Variants in AGBL1 observed in about 807,000 individuals in gnomAD.
AGBL1 encodes the protein AGBL carboxypeptidase 1.
AGBL1 carries 130 observed loss-of-function variants against 118.9 expected under a neutral mutation model. The ratio of observed to expected loss-of-function variants is 1.09; its 90% CI spans 0.95 to 1.26. The LOEUF (loss-of-function observed/expected upper bound fraction) is 1.26. Ranked by LOEUF, AGBL1 falls within the 50% of genes most tolerant of loss-of-function variation. The probability of loss-of-function intolerance (pLI) is 0.00; values close to 1 mark genes in which losing one functional copy is unlikely to be tolerated. For synonymous variants in AGBL1, 555 were observed against 478.9 expected, an observed-to-expected ratio of 1.16 and a Z score of -2.08; for missense variants, 1,584 against 1,298.1, an observed-to-expected ratio of 1.22 and a Z score of -3.38.
chr15:86,547,126 G>A (rs2083594342), intron 20 of AGBL1, among the ~76,000 whole-genome samples: 1 of 152,084 alleles, frequency 6.6e-6, no homozygotes, highest in African/African-American at 2.4e-5. Flanking sequence ...AGAATCAACA[G>A]CTTATCCTCA....
intron 22 of AGBL1, among the ~76,000 whole-genome samples, chr15:86,826,894 T>A (rs2079018626): frequency 6.6e-6 from 1 of 152,004 alleles, no homozygotes; most frequent in South Asian, 2.1e-4. Flanking sequence ...ACAAGGAGAA[T>A]ATGCCTGACA....
chr15:86,902,489 T>C (rs77778521), intron 22 of AGBL1, among the ~76,000 whole-genome samples: 1 of 152,160 alleles, frequency 6.6e-6, no homozygotes, highest in Non-Finnish European at 1.5e-5. Flanking sequence ...TTTGCTCATA[T>C]TTTTACTCTT....
At position 87,006,930 on chromosome 15, in the gene AGBL1, G is replaced by T. The variant is rs112981315; in HGVS notation, c.3323+18842G>T. Among the ~76,000 whole-genome samples the T allele has an allele frequency of 2.5e-3, 384 of 152,214 alleles. 1 individual carries two copies. The highest frequency in any genetic ancestry group is 8.8e-3 in the African/African-American group (366 of 41,516). On this transcript the variant is annotated intron_variant, in intron 24 of 24. Coordinates refer to the AGBL1 transcript ENST00000441037. ...TTCATGGGTGAGGAGTGAGACAGGG[G>T]GTTGAGCTTTAAGTAGGATGGGTTT...
intron 23 of AGBL1, among the ~76,000 whole-genome samples, chr15:86,946,767 C>T (rs866040634): frequency 6.8e-5 from 10 of 147,036 alleles, no homozygotes; most frequent in Non-Finnish European, 3.0e-5. Context: ...TTGGTTGAAC[C>T]CGGGAGGGGG....
chr15:86,669,101 T>TAA (rs199730409), intron 21 of AGBL1, among the ~76,000 whole-genome samples: 9 of 150,560 alleles, frequency 6.0e-5, no homozygotes, highest in Non-Finnish European at 8.9e-5. Flanking sequence ...ACTTTAATGT[T>TAA]AAAAAAAAAA....
At chr15:86,229,742 C>T (rs866380085) in intron 6 of AGBL1, among the ~76,000 whole-genome samples, 4 of 152,138 alleles carry the variant, frequency 2.6e-5, no homozygotes, top group Non-Finnish European at 4.4e-5. Context: ...ACCCTGGAAG[C>T]GGCACTTGAG....
intron 17 of AGBL1, among the ~76,000 whole-genome samples, chr15:86,386,642 G>A (rs1040699474): frequency 6.6e-6 from 1 of 151,852 alleles, no homozygotes; most frequent in African/African-American, 2.4e-5. Context: ...TCCTCAAAGA[G>A]CCTTCTTTTC....
Position 86,789,877 on chromosome 15 carries a change from A to G in AGBL1, c.3158+115441A>G, listed in dbSNP as rs141840764. Among the ~76,000 whole-genome samples, 216 of 152,280 alleles carry G rather than the reference A, an allele frequency of 1.4e-3. 1 individual carries two copies. Among genetic ancestry groups the G allele is most frequent in the African/African-American group, 5.0e-3 (207 of 41,556 alleles). The stretch of plus-strand genomic sequence containing the variant: ...CTGTATGACTCTCAATTTGGCTTAG[A>G]TGGCTCCAATCATTTGAATTGTTTC... On this transcript the variant is annotated intron_variant, in intron 22 of 22. Coordinates refer to ENST00000614907, the MANE Select transcript of AGBL1 (RefSeq NM_001386094.1).
intron 18 of AGBL1, among the ~76,000 whole-genome samples, chr15:86,416,382 T>C (rs1281375052): frequency 1.3e-5 from 2 of 152,170 alleles, no homozygotes; most frequent in Admixed American, 6.5e-5. Context: ...TGCTTTCCAA[T>C]GTCAGGGCAA....
intron 21 of AGBL1, among the ~76,000 whole-genome samples, chr15:86,650,250 C>T (rs1265291763): frequency 2.6e-5 from 4 of 152,124 alleles, no homozygotes; most frequent in African/African-American, 9.7e-5. Context: ...ACTAAGTTTG[C>T]CAGCTTCCTT....
At chr15:86,635,115 TGGA>T (rs1475944354) in intron 21 of AGBL1, among the ~76,000 whole-genome samples, 1 of 152,162 alleles carries the variant, frequency 6.6e-6, no homozygotes, top group Non-Finnish European at 1.5e-5. Flanking sequence ...TAAGAGGCTG[TGGA>T]GAAGAGAAAA....
intron 19 of AGBL1, among the ~76,000 whole-genome samples, chr15:86,538,835 G>C (rs1313782928): frequency 1.3e-5 from 2 of 152,236 alleles, no homozygotes; most frequent in South Asian, 2.1e-4. Flanking sequence ...GAACGGCTAA[G>C]GGAGAGGTGT....
intron 4 of AGBL1, among the ~76,000 whole-genome samples, chr15:86,157,846 A>C (rs973689790): frequency 1.1e-4 from 17 of 152,208 alleles, no homozygotes; most frequent in African/African-American, 4.1e-4. Flanking sequence ...GAGCTGCCGG[A>C]GCTCTAACCT....
chr15:86,158,897 T>C (rs1300936177), intron 4 of AGBL1, 36 bp from the exon 5 acceptor site: 2 of 1,594,744 alleles, frequency 1.3e-6, no homozygotes, highest in East Asian at 2.2e-5. Flanking sequence ...ACTCATCCAC[T>C]TGTGACCATA....
chr15:86,691,832 A>G lies in AGBL1; in HGVS notation c.3158+17396A>G, dbSNP rs558373086. On this transcript the variant is annotated intron_variant, in intron 22 of 22. Transcript: ENST00000614907. ...CTATGATCCAACTTATCTTTTCTAC[A>G]CAAGGGCCACGGGACTGCATGTGGA... Among the ~76,000 whole-genome samples the G allele has an allele frequency of 4.6e-5, 7 of 152,262 alleles. No homozygotes were observed. In the South Asian group the frequency reaches 1.2e-3, roughly 27 times the overall value.
chr15:86,843,945 A>T (rs1596543057), intron 22 of AGBL1, among the ~76,000 whole-genome samples: 1 of 152,100 alleles, frequency 6.6e-6, no homozygotes, highest in Admixed American at 6.5e-5. Flanking sequence ...ACTTTCTTAC[A>T]GATTTTCTTT....
At chr15:86,797,401 A>C (rs1008459151) in intron 22 of AGBL1, among the ~76,000 whole-genome samples, 1 of 152,228 alleles carries the variant, frequency 6.6e-6, no homozygotes, top group African/African-American at 2.4e-5. Context: ...CATTTCAAAA[A>C]AGGAGCAGAA....
intron 24 of AGBL1, among the ~76,000 whole-genome samples, chr15:87,016,969 T>TCTGACAAGG (rs962370620): frequency 6.6e-6 from 1 of 152,122 alleles, no homozygotes; most frequent in African/African-American, 2.4e-5. Flanking sequence ...CCCCAGGATT[T>TCTGACAAGG]CTGACAAGGT....
intron 5 of AGBL1, among the ~76,000 whole-genome samples, chr15:86,187,083 C>T (rs991488147): frequency 6.6e-6 from 1 of 152,108 alleles, no homozygotes; most frequent in Non-Finnish European, 1.5e-5. Context: ...TGTGTTTAAG[C>T]AAAAACATCC....
Sources: allele counts gnomAD v4.1 joint callset (sites outside exome capture counted in the v4.1 genomes callset), GRCh38; gene constraint gnomAD v4.1.1; transcripts MANE v1.5; gene names NCBI Gene and HGNC (gene_info 2026-07-23, HGNC 2026-07-21).